Variants in CLEC16A observed in about 807,000 individuals in gnomAD.
The protein encoded by CLEC16A is C-type lectin domain containing 16A.
CLEC16A carries 51 observed loss-of-function variants against 109.5 expected under a neutral mutation model. The ratio of observed to expected loss-of-function variants is 0.47; its 90% CI spans 0.37 to 0.59. CLEC16A has a LOEUF of 0.59. CLEC16A is among the 20% of genes least tolerant of loss of function. The pLI, the probability that CLEC16A is intolerant of heterozygous loss-of-function variation, is 0.00. For missense variants in CLEC16A, 1,339 were observed against 1,394.0 expected (o/e 0.96, Z 0.63); for synonymous variants, 673 against 564.2 (o/e 1.19, Z -2.73).
intron 5 of CLEC16A, 178 bp downstream of exon 5, chr16:10,971,408 A>G: frequency 4.5e-6 from 2 of 447,084 alleles, no homozygotes; most frequent in African/African-American, 2.1e-5. Flanking sequence ...CCGCTCATGG[A>G]AATCCTTGCC....
At chr16:11,039,604 A>T in intron 13 of CLEC16A, 150 bp from the exon 14 acceptor site, 2 of 1,048,530 alleles carry the variant, frequency 1.9e-6, no homozygotes, top group Non-Finnish European at 2.6e-6. Flanking sequence ...TCTATTAAAA[A>T]CTAAAAAAAA....
chr16:11,008,316 T>C (rs772350399), intron 11 of CLEC16A, among the ~76,000 whole-genome samples: 13 of 152,226 alleles, frequency 8.5e-5, no homozygotes, highest in Admixed American at 2.0e-4. Flanking sequence ...TCAAAGACTA[T>C]TGGGAGGCCA....
intron 19 of CLEC16A, among the ~76,000 whole-genome samples, chr16:11,072,401 G>A (rs1474303623): frequency 6.6e-6 from 1 of 152,194 alleles, no homozygotes; most frequent in Non-Finnish European, 1.5e-5. Context: ...TTACAGGTGT[G>A]AGCTACCACA....
intron 17 of CLEC16A, among the ~76,000 whole-genome samples, chr16:11,050,589 G>A (rs112528721): frequency 6.5e-4 from 99 of 152,372 alleles, no homozygotes; most frequent in African/African-American, 2.2e-3. Flanking sequence ...TACTACTACT[G>A]ATGCAGCAGA....
At chr16:10,966,050 C>T (rs1228249184) in intron 3 of CLEC16A, among the ~76,000 whole-genome samples, 2 of 152,186 alleles carry the variant, frequency 1.3e-5, no homozygotes, top group East Asian at 1.9e-4. Context: ...CCCCTCCCTA[C>T]TTCTCCCCCA....
At chr16:11,075,406 G>A (rs1018461131) in intron 19 of CLEC16A, among the ~76,000 whole-genome samples, 1 of 135,068 alleles carries the variant, frequency 7.4e-6, no homozygotes, top group Non-Finnish European at 1.6e-5. Context: ...GTGTGTGTGT[G>A]TGTGTCTGTG....
chr16:11,038,795 G>A (rs922109340), intron 13 of CLEC16A, among the ~76,000 whole-genome samples: 1 of 151,874 alleles, frequency 6.6e-6, no homozygotes, highest in African/African-American at 2.4e-5. Flanking sequence ...GCTTTTAATG[G>A]CAAAAACTGC....
intron 10 of CLEC16A, among the ~76,000 whole-genome samples, chr16:10,991,423 CAAAAAAAA>C (rs756161193): frequency 3.2e-5 from 2 of 63,340 alleles, no homozygotes; most frequent in East Asian, 5.8e-4. Context: ...GACTCCGTCT[CAAAAAAAA>C]AAAAAAAAAA....
At position 11,093,700 on chromosome 16, in the gene CLEC16A, A is replaced by G. The variant is rs532781977; in HGVS notation, c.2117-26915A>G. 5.3e-4 allele frequency among the ~76,000 whole-genome samples: 81 copies of G among 152,298 alleles called. No individual in the cohort carries two copies. In the Middle Eastern group the frequency reaches 0.01, roughly 19 times the overall value. On this transcript the variant is annotated intron_variant, in intron 19 of 23. Transcript: ENST00000409790. ...AGGTGGAAGAGGGCAGGGCGTGTAC[A>G]AGACTGAGCAAGAGGAGGTAGAAGG... is the stretch of plus-strand genomic sequence containing the variant.
At chr16:11,057,970 G>T (rs546462623) in intron 18 of CLEC16A, among the ~76,000 whole-genome samples, 2 of 152,344 alleles carry the variant, frequency 1.3e-5, no homozygotes, top group East Asian at 3.9e-4. Flanking sequence ...GCAGGCCATG[G>T]GGAATCAAGA....
At chr16:11,069,930 A>G (rs929014706) in intron 19 of CLEC16A, among the ~76,000 whole-genome samples, 2 of 152,204 alleles carry the variant, frequency 1.3e-5, no homozygotes, top group African/African-American at 4.8e-5. Context: ...ACACCATTTT[A>G]TATGAAGGAC....
At position 10,971,136 on chromosome 16, in the gene CLEC16A, CTT is replaced by C; in HGVS notation, c.506_507del (p.Phe169CysfsTer14). On this transcript the variant is annotated frameshift_variant, in exon 5 of 24. Coordinates refer to ENST00000409790, the MANE Select transcript of CLEC16A (RefSeq NM_015226.3). LOFTEE classifies it high-confidence loss of function. Reference protein sequence around the residue: ...HFFYNEHTNDFALYTEAIKFF... With the variant: ...HFFYNEHTNDXALYTEAIKFF... ...TTCTTTTGTTTTAGCACACCAATGACTTTGCCCTGTACACAGAAGCCATCAAG... is the reference window on the plus strand; with the variant it reads ...TTCTTTTGTTTTAGCACACCAATGACTGCCCTGTACACAGAAGCCATCAAG... The C allele has an allele frequency of 6.2e-7, 1 of 1,611,716 alleles. No individual in the cohort carries two copies. The highest frequency in any genetic ancestry group is 8.5e-7 in the Non-Finnish European group (1 of 1,178,346).
intron 11 of CLEC16A, among the ~76,000 whole-genome samples, chr16:11,019,050 AT>A (rs2045935328): frequency 6.6e-6 from 1 of 152,190 alleles, no homozygotes; most frequent in Admixed American, 6.5e-5. Context: ...GAGGGAGACC[AT>A]GGCAGAGGCG....
At chr16:10,970,394 T>G (rs1257507947) in intron 4 of CLEC16A, among the ~76,000 whole-genome samples, 1 of 152,190 alleles carries the variant, frequency 6.6e-6, no homozygotes, top group Non-Finnish European at 1.5e-5. Context: ...GGTGCTGGGA[T>G]AAGCACAAGA....
In CLEC16A at chr16:11,042,272, C is replaced by T. The variant is rs866629699; in HGVS notation, c.1679C>T (p.Ala560Val). Residue 560 changes from alanine (A) to valine (V), a missense_variant, in exon 15 of 24, where the codon GCG becomes GTG. Transcript: ENST00000409790. Reference protein sequence around the residue: ...AAQPDGKIRLATLELSCLLLK... With the variant: ...AAQPDGKIRLVTLELSCLLLK... Reference sequence around the variant, plus strand: ...TCTGCAGATGGGAAGATCCGGCTGGCGACGCTGGAGCTGAGCTGCCTGCTT... The same window carrying T: ...TCTGCAGATGGGAAGATCCGGCTGGTGACGCTGGAGCTGAGCTGCCTGCTT... The T allele has an allele frequency of 8.8e-6, 14 of 1,582,586 alleles. No homozygotes were observed. Among genetic ancestry groups the T allele is most frequent in the African/African-American group, 1.3e-5 (1 of 74,236 alleles).
intron 19 of CLEC16A, among the ~76,000 whole-genome samples, chr16:11,105,211 G>A (rs183716829): frequency 1.3e-5 from 2 of 152,160 alleles, no homozygotes; most frequent in South Asian, 4.1e-4. Context: ...AGATGAGATC[G>A]TGTCTCTGGC....
intron 11 of CLEC16A, among the ~76,000 whole-genome samples, chr16:11,007,312 C>G (rs1238462947): frequency 6.6e-6 from 1 of 152,070 alleles, no homozygotes; most frequent in Admixed American, 6.6e-5. Context: ...CCCATCTTGC[C>G]TTTTTCTTTT....
intron 19 of CLEC16A, among the ~76,000 whole-genome samples, chr16:11,107,294 C>T (rs2051283026): frequency 6.6e-6 from 1 of 151,904 alleles, no homozygotes; most frequent in South Asian, 2.1e-4. Context: ...ATAGGCCTGG[C>T]AGTAGAAAGG....
Position 11,174,205 on chromosome 16 carries a change from A to G in CLEC16A, c.2807-4130A>G, listed in dbSNP as rs1179939672. The G allele has an allele frequency of 2.1e-6, 1 of 469,412 alleles. No homozygotes were observed. The highest frequency in any genetic ancestry group is 2.0e-5 in the African/African-American group (1 of 50,084). 29.1% of individuals were successfully genotyped at this position (469,412 alleles called of 1,614,324 possible). On this transcript the variant is annotated intron_variant, in intron 23 of 23. Coordinates refer to ENST00000409790, the MANE Select transcript of CLEC16A (RefSeq NM_015226.3). This position sits in a 1 kb window ranked among gnomAD's most constrained non-coding sequence, Gnocchi z 4.7. ...CGAGTGTTCAGCCTGTCGGAGGCCG[A>G]CAGTCATGGCGGCCACTGGGTTTAG...
Sources: allele counts gnomAD v4.1 joint callset (sites outside exome capture counted in the v4.1 genomes callset), GRCh38; gene constraint gnomAD v4.1.1; non-coding constraint Gnocchi (gnomAD v3.1); transcripts MANE v1.5; gene names NCBI Gene and HGNC (gene_info 2026-07-23, HGNC 2026-07-21).